SLCO1B3: variants seen among roughly 807,000 people sequenced by gnomAD.
SLCO1B3 encodes the protein solute carrier organic anion transporter family member 1B3, also known as liver-specific organic anion transporter 2.
In SLCO1B3, 72 loss-of-function variants were observed where a neutral mutation model predicts 71.8. The ratio of observed to expected loss-of-function variants is 1.00; its 90% confidence interval spans 0.83 to 1.22. The LOEUF is 1.22. Among genes scored for constraint, SLCO1B3 ranks in the 50% most tolerant of loss-of-function variants. The pLI, the probability that SLCO1B3 is intolerant of heterozygous loss-of-function variation, is 0.00. For synonymous variants in SLCO1B3, 298 were observed against 278.4 expected (o/e 1.07, Z -0.70); for missense variants, 911 against 819.7 (o/e 1.11, Z -1.36).
intron 3 of SLCO1B3, among the ~76,000 whole-genome samples, chr12:20,837,693 T>C (rs531555084): frequency 1.3e-5 from 2 of 152,274 alleles, no homozygotes; most frequent in Non-Finnish European, 2.9e-5. Context: ...CACTTCTTTT[T>C]GAAAATAAAT....
chr12:20,884,286 T>C (rs1229409694), intron 13 of SLCO1B3, among the ~76,000 whole-genome samples: 2 of 152,080 alleles, frequency 1.3e-5, no homozygotes, highest in East Asian at 3.9e-4. Context: ...CAAATTGCTG[T>C]TTGTCTTAAT....
chr12:20,868,281 A>G lies in SLCO1B3; in HGVS notation c.727+5427A>G, dbSNP rs371678908. On this transcript the variant is annotated intron_variant, in intron 8 of 15. Coordinates refer to ENST00000381545, the MANE Select transcript of SLCO1B3 (RefSeq NM_019844.4). The stretch of plus-strand genomic sequence containing the variant: ...CTACCCAAATATATCTACAGATTCA[A>G]GTTAAGTTTTTGGGGAACCAAAAGT... Among the ~76,000 whole-genome samples the G allele has an allele frequency of 8.2e-4, 125 of 152,308 alleles. 2 individuals are homozygous for G. The South Asian group carries it at 0.025, about 30-fold the overall frequency.
At chr12:20,881,129 A>C in intron 12 of SLCO1B3, 109 bp downstream of exon 12, 1 of 772,590 alleles carries the variant, frequency 1.3e-6, no homozygotes, top group Non-Finnish European at 2.0e-6. Flanking sequence ...TAAAAAGATA[A>C]AACAAAAAGA....
At chr12:20,908,772 A>G (rs1393275521) in intron 15 of SLCO1B3, among the ~76,000 whole-genome samples, 1 of 152,196 alleles carries the variant, frequency 6.6e-6, no homozygotes, top group Admixed American at 6.5e-5. Context: ...ACCATAGTTT[A>G]TACATTTGCC....
At chr12:20,812,592 TA>T (rs1379705930) in intron 1 of SLCO1B3, among the ~76,000 whole-genome samples, 2 of 152,186 alleles carry the variant, frequency 1.3e-5, no homozygotes, top group African/African-American at 2.4e-5. Flanking sequence ...GAAATGGGAC[TA>T]AAAACTTGGA....
chr12:20,889,917 T>A (rs1865869789), intron 13 of SLCO1B3, among the ~76,000 whole-genome samples: 1 of 17,730 alleles, frequency 5.6e-5, no homozygotes, highest in Admixed American at 9.8e-4. Context: ...TTTTCTTAAT[T>A]TTTTTTTTTT....
chr12:20,895,063 C>A (rs943944459), intron 13 of SLCO1B3, among the ~76,000 whole-genome samples: 1 of 152,118 alleles, frequency 6.6e-6, no homozygotes, highest in African/African-American at 2.4e-5. Context: ...TATCATGGAA[C>A]AGCATGGGAA....
At chr12:20,861,183 T>C in intron 6 of SLCO1B3, 45 bp downstream of exon 6, 1 of 1,481,606 alleles carries the variant, frequency 6.7e-7, no homozygotes, top group African/African-American at 1.4e-5. Context: ...GATTGATAGA[T>C]TTAATCACGT....
chr12:20,851,307 C>G (rs565074379), intron 3 of SLCO1B3, among the ~76,000 whole-genome samples: 1 of 152,256 alleles, frequency 6.6e-6, no homozygotes, highest in African/African-American at 2.4e-5. Context: ...GTGGATCCAA[C>G]TTTTTCACAT....
At chr12:20,838,447 A>G (rs1591753949) in intron 3 of SLCO1B3, among the ~76,000 whole-genome samples, 1 of 152,054 alleles carries the variant, frequency 6.6e-6, no homozygotes, top group African/African-American at 2.4e-5. Flanking sequence ...AATTGATGTT[A>G]AAGTTCATTA....
At chr12:20,818,747 T>G (rs1396215021) in intron 3 of SLCO1B3, among the ~76,000 whole-genome samples, 3 of 151,316 alleles carry the variant, frequency 2.0e-5, no homozygotes, top group African/African-American at 7.3e-5. Flanking sequence ...TGATTAGGCC[T>G]GGTGGAACTG....
At chr12:20,877,654 C>G (rs970656734) in intron 9 of SLCO1B3, 118 bp from the exon 10 acceptor site, 1 of 413,790 alleles carries the variant, frequency 2.4e-6, no homozygotes, top group Non-Finnish European at 3.8e-6. Context: ...GGTCGCGACT[C>G]TCTTAGAAAG....
At chr12:20,850,182 C>T (rs1488332061) in intron 3 of SLCO1B3, among the ~76,000 whole-genome samples, 1 of 150,930 alleles carries the variant, frequency 6.6e-6, no homozygotes, top group East Asian at 1.9e-4. Context: ...TTCAGGGGTA[C>T]ATGTACCAGT....
At chr12:20,854,628 G>A (rs1385062937) in intron 3 of SLCO1B3, among the ~76,000 whole-genome samples, 1 of 152,092 alleles carries the variant, frequency 6.6e-6, no homozygotes, top group Admixed American at 6.6e-5. Flanking sequence ...TTTTCAGCTG[G>A]CTTCCTGAAA....
At chr12:20,823,859 G>T (rs530936504) in intron 3 of SLCO1B3, among the ~76,000 whole-genome samples, 14 of 152,172 alleles carry the variant, frequency 9.2e-5, no homozygotes, top group Non-Finnish European at 2.1e-4. Flanking sequence ...TAAAGGATAA[G>T]ATATGGGGCT....
At chr12:20,850,749 C>A (rs184056208) in intron 3 of SLCO1B3, among the ~76,000 whole-genome samples, 1 of 152,100 alleles carries the variant, frequency 6.6e-6, no homozygotes, top group Non-Finnish European at 1.5e-5. Flanking sequence ...TAAGTGAGAA[C>A]GTGCAATATT....
intron 3 of SLCO1B3, among the ~76,000 whole-genome samples, chr12:20,819,500 T>C (rs1233487150): frequency 6.6e-6 from 1 of 152,054 alleles, no homozygotes; most frequent in Non-Finnish European, 1.5e-5. Flanking sequence ...ATGTTTGAGA[T>C]CCAGAACAGA....
Position 20,891,168 on chromosome 12 carries a change from CTA to C in SLCO1B3, c.1683-7264_1683-7263del, listed in dbSNP as rs34103433. The stretch of plus-strand genomic sequence containing the variant: ...AATGATAAGTATTGCTCTTTCATTT[CTA>C]TATGTTAGAACTCCTTCAAGCCTTT... On this transcript the variant is annotated intron_variant, in intron 13 of 15. Transcript: ENST00000381545. Among the ~76,000 whole-genome samples the C allele has an allele frequency of 4.9e-3, 740 of 152,116 alleles. 8 individuals are homozygous for C. The highest frequency in any genetic ancestry group is 0.016 in the African/African-American group (680 of 41,518).
intron 8 of SLCO1B3, among the ~76,000 whole-genome samples, chr12:20,867,118 G>C (rs766319600): frequency 2.0e-5 from 3 of 152,108 alleles, no homozygotes; most frequent in Non-Finnish European, 4.4e-5. Context: ...TGCTGAAGTG[G>C]TCTGCTTTAC....
Sources: gnomAD v4.1 joint callset for allele counts (sites outside exome capture counted in the v4.1 genomes callset) on GRCh38, gnomAD v4.1.1 for gene constraint, MANE v1.5 for transcripts, NCBI Gene and HGNC (gene_info 2026-07-23, HGNC 2026-07-21) for gene names.